The following APBA2 variants were observed in gnomAD, a reference collection of about 807,000 sequenced individuals.
The protein encoded by APBA2 is amyloid-beta A4 precursor protein-binding family A member 2.
In APBA2, 30 loss-of-function variants were observed where a neutral mutation model predicts 75.0. The ratio of observed to expected loss-of-function variants is 0.40; its 90% CI spans 0.30 to 0.54. The LOEUF is 0.54. Among genes scored for constraint, APBA2 ranks in the 20% least tolerant of loss-of-function variants. APBA2 has a pLI of 0.49. For synonymous variants in APBA2, 444 were observed against 409.6 expected (o/e 1.08, Z -1.01); for missense variants, 801 against 1,016.1 (o/e 0.79, Z 2.88).
intron 1 of APBA2, among the ~76,000 whole-genome samples, chr15:28,901,672 G>T (rs1045422658): frequency 6.6e-6 from 1 of 152,054 alleles, no homozygotes; most frequent in Non-Finnish European, 1.5e-5. Context: ...TCCCTGTGCC[G>T]TGGCCACACC....
intron 3 of APBA2, among the ~76,000 whole-genome samples, chr15:29,001,246 C>G (rs919896285): frequency 6.6e-6 from 1 of 152,092 alleles, no homozygotes; most frequent in Non-Finnish European, 1.5e-5. Context: ...CAGGGTCTCA[C>G]TCTGTCACCC....
At position 28,987,725 on chromosome 15, in the gene APBA2, G is replaced by GATATATATAT. The variant is rs1469936230; in HGVS notation, c.-94-8027_-94-8026insTATATATATA. Among the ~76,000 whole-genome samples, 1,114 of 118,216 alleles carry GATATATATAT rather than the reference G, an allele frequency of 9.4e-3. 16 individuals are homozygous for GATATATATAT. The highest frequency in any genetic ancestry group is 0.016 in the African/African-American group (398 of 24,926). The allele number at this position is 118,216 out of a possible 152,430, so 77.6% of individuals were successfully genotyped here. A position where few individuals can be genotyped will look rare whatever the true frequency, so the allele number is the denominator to read the frequency against. ...AAGGGAGTGTCAAAGAATATGTGGA[G>GATATATATAT]AGAGATATATATATATATATATATA... On this transcript the variant is annotated intron_variant, in intron 2 of 14. Coordinates refer to ENST00000683413, the MANE Select transcript of APBA2 (RefSeq NM_001353788.2).
At chr15:29,037,075 T>G (rs1277603891) in intron 3 of APBA2, among the ~76,000 whole-genome samples, 1 of 151,992 alleles carries the variant, frequency 6.6e-6, no homozygotes, top group African/African-American at 2.4e-5. Flanking sequence ...TAAAATAAAA[T>G]TATTTAAAAT....
At chr15:28,930,877 A>G (rs988883514) in intron 2 of APBA2, among the ~76,000 whole-genome samples, 23 of 152,154 alleles carry the variant, frequency 1.5e-4, no homozygotes, top group Middle Eastern at 3.4e-3. Context: ...CTGTTCCTTC[A>G]AGGCGGCCCC....
At chr15:29,111,380 G>A (rs1001659418) in intron 13 of APBA2, among the ~76,000 whole-genome samples, 2 of 152,118 alleles carry the variant, frequency 1.3e-5, no homozygotes, top group African/African-American at 4.8e-5. Flanking sequence ...ATGCAGGGGA[G>A]ATGCTGGCAG....
intron 3 of APBA2, among the ~76,000 whole-genome samples, chr15:29,005,770 A>G (rs977435679): frequency 2.6e-5 from 4 of 152,168 alleles, no homozygotes; most frequent in African/African-American, 9.7e-5. Context: ...AGGCTGAGGC[A>G]GGAGAATCAC....
At chr15:29,009,223 C>G (rs1042969129) in intron 3 of APBA2, among the ~76,000 whole-genome samples, 1 of 152,134 alleles carries the variant, frequency 6.6e-6, no homozygotes, top group African/African-American at 2.4e-5. Context: ...AGATATGGTG[C>G]CTTTTCTAGT....
intron 6 of APBA2, among the ~76,000 whole-genome samples, chr15:29,092,227 C>T (rs1417710618): frequency 6.6e-6 from 1 of 152,198 alleles, no homozygotes; most frequent in Non-Finnish European, 1.5e-5. Context: ...CACGTACCAT[C>T]TCCCCCTTTA....
intron 6 of APBA2, 62 bp downstream of exon 6, chr15:29,076,153 G>A (rs1230953805): frequency 3.2e-6 from 5 of 1,558,548 alleles, no homozygotes; most frequent in African/African-American, 1.4e-5. Flanking sequence ...AATAAATGGT[G>A]CTTTTAGTTT....
intron 3 of APBA2, among the ~76,000 whole-genome samples, chr15:29,050,134 C>T (rs578185784): frequency 5.4e-4 from 82 of 152,112 alleles, no homozygotes; most frequent in African/African-American, 1.1e-3. Flanking sequence ...AGCTTCCAGA[C>T]GGAAGGAATA....
chr15:28,959,911 A>T (rs1307941658), intron 2 of APBA2, among the ~76,000 whole-genome samples: 1 of 152,210 alleles, frequency 6.6e-6, no homozygotes, highest in East Asian at 1.9e-4. Flanking sequence ...CGGGAGGCCG[A>T]GGCAGGTGGA....
rs146068016 is a variant in APBA2 at position 29,059,215 on chromosome 15, A to ATGTG, written c.951+4398_951+4401dup. ...TAATGTTCTTTGCATTTTTGTTGAT[A>ATGTG]TGTGTGTGTGTGTGTGTGTGTTGGT... is the stretch of plus-strand genomic sequence containing the variant. On this transcript the variant is annotated intron_variant, in intron 4 of 14. Transcript: ENST00000683413. Among the ~76,000 whole-genome samples the ATGTG allele has an allele frequency of 5.1e-4, 76 of 149,876 alleles. No individual in the cohort carries two copies. The South Asian group carries it at 5.3e-3, about 10-fold the overall frequency.
intron 3 of APBA2, among the ~76,000 whole-genome samples, chr15:29,039,549 A>C (rs2040928053): frequency 6.6e-6 from 1 of 152,074 alleles, no homozygotes; most frequent in African/African-American, 2.4e-5. Flanking sequence ...GACCTCATGG[A>C]GCTGGGGCAG....
At chr15:28,942,368 G>A (rs2035281753) in intron 2 of APBA2, among the ~76,000 whole-genome samples, 1 of 152,172 alleles carries the variant, frequency 6.6e-6, no homozygotes, top group Admixed American at 6.5e-5. Context: ...TTTACTAGGG[G>A]ACCTTGGAGT....
chr15:28,973,263 T>G (rs2037165356), intron 2 of APBA2, among the ~76,000 whole-genome samples: 4 of 152,230 alleles, frequency 2.6e-5, no homozygotes. Flanking sequence ...CACTAGAGGT[T>G]TTTATTGGTG....
At chr15:29,097,744 T>C (rs2043921450) in intron 8 of APBA2, among the ~76,000 whole-genome samples, 1 of 152,186 alleles carries the variant, frequency 6.6e-6, no homozygotes, top group African/African-American at 2.4e-5. Flanking sequence ...TGATGCACAA[T>C]AGATCTCTTG....
chr15:29,108,078 C>T (rs1429196737), intron 12 of APBA2, among the ~76,000 whole-genome samples, 192 bp from the exon 13 acceptor site: 2 of 152,144 alleles, frequency 1.3e-5, no homozygotes, highest in African/African-American at 4.8e-5. Flanking sequence ...AACCTGGTAG[C>T]TCTGGTAAGG....
chr15:28,889,121 C>T (rs572353615), intron 1 of APBA2, among the ~76,000 whole-genome samples: 13 of 152,260 alleles, frequency 8.5e-5, no homozygotes, highest in East Asian at 3.9e-4. Context: ...AACCCCCTGC[C>T]GCCCACCGCC....
chr15:29,081,973 C>G, intron 6 of APBA2, among the ~76,000 whole-genome samples: 1 of 152,222 alleles, frequency 6.6e-6, no homozygotes, highest in East Asian at 1.9e-4. Context: ...CAAGGGGGGA[C>G]AGCGTACGCT....
Sources: allele counts gnomAD v4.1 joint callset (sites outside exome capture counted in the v4.1 genomes callset), GRCh38; gene constraint gnomAD v4.1.1; transcripts MANE v1.5; gene names NCBI Gene and HGNC (gene_info 2026-07-23, HGNC 2026-07-21).